LRRC42: variants seen among roughly 807,000 people sequenced by gnomAD.
LRRC42 encodes leucine-rich repeat-containing protein 42.
In LRRC42, 43 loss-of-function variants were observed where a neutral mutation model predicts 44.3. That is an observed-to-expected ratio of 0.97 (90% CI 0.76 to 1.25). LRRC42 has a LOEUF of 1.25. Ranked by LOEUF, LRRC42 falls within the 50% of genes most tolerant of loss-of-function variation. LRRC42 has a pLI of 0.00. For missense variants in LRRC42, 540 were observed against 509.1 expected (o/e 1.06, Z -0.58); for synonymous variants, 207 against 195.2 (o/e 1.06, Z -0.50).
chr1:53,958,318 G>A lies in LRRC42; in HGVS notation c.605+38G>A, dbSNP rs775547697. 6.2e-6 allele frequency: 10 copies of A among 1,608,688 alleles called. No individual in the cohort carries two copies. The Admixed American group carries it at 1.7e-4, about 27-fold the overall frequency. ...CACCACTTGCAGATGAATTGTTTCAGTATTGTTTTAAAGGCTGATCCAACA... is the reference window on the plus strand; with the variant it reads ...CACCACTTGCAGATGAATTGTTTCAATATTGTTTTAAAGGCTGATCCAACA... On this transcript the variant is annotated intron_variant, in intron 4 of 8. Coordinates refer to ENST00000371370, the MANE Select transcript of LRRC42 (RefSeq NM_001256409.2).
intron 3 of LRRC42, among the ~76,000 whole-genome samples, chr1:53,953,149 G>A (rs1315567502): frequency 6.6e-6 from 1 of 152,126 alleles, no homozygotes; most frequent in African/African-American, 2.4e-5. Context: ...TGAAACATAA[G>A]CCTTCTTCCT....
chr1:53,967,611 G>A (rs538865173), intron 8 of LRRC42, 54 bp from the exon 9 acceptor site: 3 of 1,532,448 alleles, frequency 2.0e-6, no homozygotes, highest in African/African-American at 1.4e-5. Flanking sequence ...AGACTGATGA[G>A]GGAATTAGCA....
intron 2 of LRRC42, among the ~76,000 whole-genome samples, chr1:53,948,628 T>G (rs1022107531): frequency 6.6e-6 from 1 of 152,214 alleles, no homozygotes; most frequent in African/African-American, 2.4e-5. Flanking sequence ...ATACAGCTAC[T>G]ACGATCTACA....
chr1:53,962,234 C>A (rs1480632787), intron 6 of LRRC42, 62 bp from the exon 7 acceptor site: 1 of 1,470,454 alleles, frequency 6.8e-7, no homozygotes, highest in South Asian at 1.1e-5. Flanking sequence ...TTATTTACTA[C>A]TGAAAACAAG....
chr1:53,960,514 A>T (rs1354201792), intron 5 of LRRC42, 40 bp downstream of exon 5: 2 of 1,397,806 alleles, frequency 1.4e-6, no homozygotes, highest in East Asian at 4.6e-5. Flanking sequence ...TTAATGTTGG[A>T]AGAATGGCCT....
At position 53,952,432 on chromosome 1, in the gene LRRC42, T is replaced by G. The variant is rs912644101; in HGVS notation, c.433T>G (p.Tyr145Asp). ...GGCTTTACAGAAATTCACTGAGGCC[T>G]ATGGAAGTTTGGTGCTTTGCTCCCT... ...LRALQKFTEAYGSLVLCSLCL... is the reference protein window; with the variant it reads ...LRALQKFTEADGSLVLCSLCL... Residue 145 changes from tyrosine to aspartate, a missense_variant, in exon 3 of 9, where the codon TAT becomes GAT. By Grantham distance (160) the Tyr-to-Asp change is radical. Coordinates refer to ENST00000371370, the MANE Select transcript of LRRC42 (RefSeq NM_001256409.2). The G allele has an allele frequency of 6.2e-7, 1 of 1,604,792 alleles. No individual in the cohort carries two copies. The highest frequency in any genetic ancestry group is 1.3e-5 in the African/African-American group (1 of 74,868).
intron 3 of LRRC42, among the ~76,000 whole-genome samples, chr1:53,955,060 A>G (rs971598017): frequency 3.9e-5 from 6 of 152,176 alleles, no homozygotes; most frequent in Non-Finnish European, 7.3e-5. Context: ...TTATATGATG[A>G]AATATTATGT....
At position 53,951,956 on chromosome 1, in the gene LRRC42, G is replaced by T. The variant is rs745457328; in HGVS notation, c.-14-30G>T. The T allele has an allele frequency of 1.4e-5, 22 of 1,518,274 alleles. No homozygotes were observed. The South Asian group carries it at 2.5e-4, about 17-fold the overall frequency. The allele number at this position is 1,518,274 out of a possible 1,614,324, so 94.1% of individuals were successfully genotyped here. A position where few individuals can be genotyped will look rare whatever the true frequency, so the allele number is the denominator to read the frequency against. ...CATGTTACAAATGGCATTTTAATTG[G>T]ATTTGCTTCCCTGTGCCTTGCTTTT... is the stretch of plus-strand genomic sequence containing the variant. On this transcript the variant is annotated intron_variant, in intron 2 of 8. Transcript: ENST00000371370.
At position 53,967,779 on chromosome 1, in the gene LRRC42, C is replaced by T; in HGVS notation, c.1127C>T (p.Pro376Leu). 1 of 1,614,132 alleles carries T rather than the reference C, an allele frequency of 6.2e-7. No individual in the cohort carries two copies. Among genetic ancestry groups the T allele is most frequent in the Non-Finnish European group, 8.5e-7 (1 of 1,180,018 alleles). Residue 376 changes from proline to leucine, a missense_variant, in exon 9 of 9, where the codon CCA (proline) becomes CTA (leucine). Coordinates refer to ENST00000371370, the MANE Select transcript of LRRC42 (RefSeq NM_001256409.2). ...YKEKAPDCHG[P>L]VLKHEAISSQ... ...GAGAAAGCCCCAGATTGCCATGGGCCAGTGTTGAAACACGAAGCTATCTCA... is the reference window on the plus strand; with the variant it reads ...GAGAAAGCCCCAGATTGCCATGGGCTAGTGTTGAAACACGAAGCTATCTCA...
At chr1:53,958,447 T>C (rs1478328074) in intron 4 of LRRC42, among the ~76,000 whole-genome samples, 167 bp downstream of exon 4, 5 of 152,236 alleles carry the variant, frequency 3.3e-5, no homozygotes, top group Admixed American at 3.3e-4. Flanking sequence ...GCAATATAGA[T>C]TAGACAACCC....
chr1:53,960,891 A>C (rs1409940541), intron 5 of LRRC42, among the ~76,000 whole-genome samples: 1 of 152,196 alleles, frequency 6.6e-6, no homozygotes, highest in African/African-American at 2.4e-5. Context: ...GATTAACCAG[A>C]TATTGACTCC....
chr1:53,958,879 C>T (rs940151138), intron 4 of LRRC42, among the ~76,000 whole-genome samples: 2 of 151,546 alleles, frequency 1.3e-5, no homozygotes, highest in Admixed American at 6.6e-5. Context: ...AGCCACTGCG[C>T]CTGGCCCTAT....
intron 4 of LRRC42, among the ~76,000 whole-genome samples, chr1:53,960,037 C>T: frequency 6.6e-6 from 1 of 151,804 alleles, no homozygotes; most frequent in East Asian, 1.9e-4. Context: ...CTTCCTGCCT[C>T]AGCCTCCCAA....
At chr1:53,948,565 T>C (rs1184729571) in intron 2 of LRRC42, among the ~76,000 whole-genome samples, 1 of 152,260 alleles carries the variant, frequency 6.6e-6, no homozygotes, top group Non-Finnish European at 1.5e-5. Flanking sequence ...TGCCTTCCTG[T>C]AGCAGGCTGG....
In LRRC42 at chr1:53,952,239, G is replaced by A. The variant is rs1361066636; in HGVS notation, c.240G>A (p.Gly80=). 6.2e-6 allele frequency: 10 copies of A among 1,614,118 alleles called. No individual in the cohort carries two copies. Among genetic ancestry groups the A allele is most frequent in the Non-Finnish European group, 7.6e-6 (9 of 1,180,050 alleles). Residue 80 remains glycine, a synonymous_variant, in exon 3 of 9, where the codon GGG becomes GGA. Coordinates refer to ENST00000371370, the MANE Select transcript of LRRC42 (RefSeq NM_001256409.2). ...DHFIFTYTRE[G]NLRYSAKSLF... is the part of the protein sequence containing the mutation. Reference sequence around the variant, plus strand: ...TCATCTTCACATACACCCGAGAGGGGAATCTTCGGTACTCCGCCAAATCCC... The same window carrying A: ...TCATCTTCACATACACCCGAGAGGGAAATCTTCGGTACTCCGCCAAATCCC...
rs773768837 is a variant in LRRC42, at chr1:53,952,401, G to A, written c.402G>A (p.Gly134=). The A allele has an allele frequency of 3.1e-6, 5 of 1,612,546 alleles. No homozygotes were observed. In the Admixed American group the frequency reaches 5.0e-5, roughly 16 times the overall value. ...AGAAATTCACTGAGCCAGGTGCAGGGCTGAGGGCTTTACAGAAATTCACTG... is the reference window on the plus strand; with the variant it reads ...AGAAATTCACTGAGCCAGGTGCAGGACTGAGGGCTTTACAGAAATTCACTG... The part of the protein sequence containing the change: ...ARQKFTEPGA[G]LRALQKFTEA... Residue 134 remains glycine, a synonymous_variant, in exon 3 of 9, where the codon GGG becomes GGA. Coordinates refer to ENST00000371370, the MANE Select transcript of LRRC42 (RefSeq NM_001256409.2).
chr1:53,951,858 T>C, intron 2 of LRRC42, 128 bp from the exon 3 acceptor site: 1 of 736,246 alleles, frequency 1.4e-6, no homozygotes, highest in Non-Finnish European at 2.2e-6. Context: ...CTGGTGAGTT[T>C]TGCTTTTCCT....
intron 3 of LRRC42, among the ~76,000 whole-genome samples, chr1:53,957,636 G>A (rs145012451): frequency 3.9e-5 from 6 of 152,326 alleles, no homozygotes; most frequent in African/African-American, 1.4e-4. Flanking sequence ...ACAGGGGAGT[G>A]TTCAGGAAAG....
rs1410708499 is a variant in LRRC42 at position 53,967,750 on chromosome 1, T to A, written c.1098T>A (p.Tyr366Ter). The change falls in exon 9 of 9, where the codon TAT becomes TAA. Residue 366 changes from tyrosine (Y) to a stop codon, truncating the protein, a stop_gained. Coordinates refer to ENST00000371370, the MANE Select transcript of LRRC42 (RefSeq NM_001256409.2). LOFTEE classifies it high-confidence loss of function. The part of the protein sequence containing the change: ...HMNSSEKLQF[Y>*]KEKAPDCHGP... ...ACTCTTCCGAGAAACTCCAGTTCTA[T>A]AAAGAGAAAGCCCCAGATTGCCATG... is the stretch of plus-strand genomic sequence containing the variant. 6.2e-7 allele frequency: 1 copy of A among 1,614,032 alleles called. No individual in the cohort carries two copies. Among genetic ancestry groups the A allele is most frequent in the Non-Finnish European group, 8.5e-7 (1 of 1,180,044 alleles).
Sources: allele counts gnomAD v4.1 joint callset (sites outside exome capture counted in the v4.1 genomes callset), GRCh38; gene constraint gnomAD v4.1.1; transcripts MANE v1.5; gene names NCBI Gene and HGNC (gene_info 2026-07-23, HGNC 2026-07-21).